Variants in CCDC158 observed in about 807,000 individuals in gnomAD.
CCDC158 encodes the protein coiled-coil domain-containing protein 158.
Under a neutral mutation model 138.6 loss-of-function variants are expected in CCDC158, and 116 were observed. The ratio of observed to expected loss-of-function variants is 0.84; its 90% CI spans 0.72 to 0.98. CCDC158 has a LOEUF of 0.98. CCDC158 is among the 50% of genes least tolerant of loss of function. CCDC158 has a pLI of 0.00. For missense variants in CCDC158, 1,265 were observed against 1,306.1 expected (o/e 0.97, Z 0.48); for synonymous variants, 436 against 442.4 (o/e 0.99, Z 0.18).
chr4:76,324,720 G>T (rs1246371969), intron 23 of CCDC158, among the ~76,000 whole-genome samples: 2 of 152,086 alleles, frequency 1.3e-5, no homozygotes, highest in African/African-American at 4.8e-5. Flanking sequence ...ATTAATCCCA[G>T]TTCCAGGAAG....
At chr4:76,314,665 C>T (rs192824901) in intron 24 of CCDC158, among the ~76,000 whole-genome samples, 8 of 152,272 alleles carry the variant, frequency 5.3e-5, no homozygotes, top group African/African-American at 1.9e-4. Context: ...AGAGCTGGAA[C>T]AAATTTAGCG....
chr4:76,378,039 C>T (rs1483453636), intron 9 of CCDC158, among the ~76,000 whole-genome samples: 1 of 152,146 alleles, frequency 6.6e-6, no homozygotes, highest in African/African-American at 2.4e-5. Context: ...CTGTAAAGGA[C>T]CCACATCTAT....
chr4:76,367,206 A>G, intron 12 of CCDC158, 88 bp downstream of exon 12: 2 of 1,422,314 alleles, frequency 1.4e-6, no homozygotes, highest in Non-Finnish European at 1.9e-6. Context: ...CAGAGTGTCC[A>G]CAGATACCAA....
chr4:76,391,174 A>AT (rs1320049765), intron 4 of CCDC158, among the ~76,000 whole-genome samples: 1 of 152,056 alleles, frequency 6.6e-6, no homozygotes, highest in Non-Finnish European at 1.5e-5. Flanking sequence ...AGGCTGAAGA[A>AT]TACACAGCCT....
In CCDC158 at chr4:76,340,027, G is replaced by A. The variant is rs541433343; in HGVS notation, c.2665-5860C>T. Among the ~76,000 whole-genome samples the A allele has an allele frequency of 1.3e-4, 20 of 152,262 alleles. No homozygotes were observed. The South Asian group carries it at 4.2e-3, about 32-fold the overall frequency. On this transcript the variant is annotated intron_variant, in intron 18 of 24. Transcript: ENST00000682701. ...ATTTCTTTTAGAAAAAATCACCACT[G>A]GCAGCACATTTCAGTGACACAGAGT...
chr4:76,409,729 G>A (rs1052876874), intron 2 of CCDC158, among the ~76,000 whole-genome samples: 8 of 152,152 alleles, frequency 5.3e-5, no homozygotes, highest in Non-Finnish European at 1.2e-4. Context: ...TATTCGGGAG[G>A]CTGAGGCAGG....
chr4:76,378,863 C>G (rs1725961270), intron 9 of CCDC158, among the ~76,000 whole-genome samples: 1 of 152,096 alleles, frequency 6.6e-6, no homozygotes. Flanking sequence ...GTAATTAATT[C>G]ATTTAATTAA....
At chr4:76,349,590 T>C (rs893113294) in intron 18 of CCDC158, among the ~76,000 whole-genome samples, 1 of 152,162 alleles carries the variant, frequency 6.6e-6, no homozygotes, top group Non-Finnish European at 1.5e-5. Flanking sequence ...GATTGCTTGA[T>C]TCTGGCTGGT....
In CCDC158 at chr4:76,367,377, G is replaced by A. The variant is rs755862671; in HGVS notation, c.1747C>T (p.Arg583Ter). Residue 583 changes from arginine (R) to a stop codon, truncating the protein, a stop_gained, in exon 12 of 25, where the codon CGA becomes TGA. Coordinates refer to ENST00000682701, the MANE Select transcript of CCDC158 (RefSeq NM_001394954.1). LOFTEE classifies it high-confidence loss of function. ...NMTQLVGQHG[R>*]TAGAMQVEKA... is the part of the protein sequence containing the mutation. Reference sequence around the variant, plus strand: ...TCTACTTGCATAGCTCCAGCAGTTCGTCCATGCTGGCCCACCAGCTGTGTC... The same window carrying A: ...TCTACTTGCATAGCTCCAGCAGTTCATCCATGCTGGCCCACCAGCTGTGTC... 27 of 1,614,092 alleles carry A rather than the reference G, an allele frequency of 1.7e-5. 1 individual carries two copies. The highest frequency in any genetic ancestry group is 1.3e-4 in the South Asian group (12 of 91,070).
At position 76,384,306 on chromosome 4, in the gene CCDC158, T is replaced by C. The variant is rs751219141; in HGVS notation, c.508A>G (p.Thr170Ala). The change falls in exon 6 of 25, where the codon ACA (threonine) becomes GCA (alanine). Residue 170 changes from threonine (T) to alanine (A), a missense_variant. By Grantham distance (58) the Thr-to-Ala change is moderately conservative. Coordinates refer to ENST00000682701, the MANE Select transcript of CCDC158 (RefSeq NM_001394954.1). ...ATTTTTCGTAGTTGCTCTATCTGTG[T>C]GTTGCTGTCTTTCAGCATGTCCTCT... ...LKEDMLKDSN[T>A]QIEQLRKMML... 6.2e-7 allele frequency: 1 copy of C among 1,614,194 alleles called. No homozygotes were observed. The highest frequency in any genetic ancestry group is 8.5e-7 in the Non-Finnish European group (1 of 1,180,016).
At chr4:76,333,820 G>A in intron 19 of CCDC158, 190 bp downstream of exon 19, 1 of 397,286 alleles carries the variant, frequency 2.5e-6, no homozygotes, top group Non-Finnish European at 4.5e-6. Flanking sequence ...TGACTGTATT[G>A]TTTTCTCTTA....
At chr4:76,390,311 A>G (rs1727199076) in intron 4 of CCDC158, among the ~76,000 whole-genome samples, 1 of 152,136 alleles carries the variant, frequency 6.6e-6, no homozygotes, top group Non-Finnish European at 1.5e-5. Flanking sequence ...TGGTTTTAAG[A>G]TAATGGTTTA....
intron 18 of CCDC158, among the ~76,000 whole-genome samples, chr4:76,343,800 C>CA (rs532330278): frequency 1.2e-4 from 19 of 152,052 alleles, no homozygotes; most frequent in Middle Eastern, 6.8e-3. Context: ...GACTCCATCT[C>CA]AAAAAACAAA....
At position 76,384,307 on chromosome 4, in the gene CCDC158, G is replaced by T. The variant is rs1726576655; in HGVS notation, c.507C>A (p.Asn169Lys). 2 of 1,614,082 alleles carry T rather than the reference G, an allele frequency of 1.2e-6. No individual in the cohort carries two copies. Among genetic ancestry groups the T allele is most frequent in the Non-Finnish European group, 1.7e-6 (2 of 1,179,998 alleles). The change falls in exon 6 of 25, where the codon AAC (asparagine) becomes AAA (lysine). Residue 169 changes from asparagine to lysine, a missense_variant. Coordinates refer to ENST00000682701, the MANE Select transcript of CCDC158 (RefSeq NM_001394954.1). The stretch of plus-strand genomic sequence containing the variant: ...TTTTTCGTAGTTGCTCTATCTGTGT[G>T]TTGCTGTCTTTCAGCATGTCCTCTT... ...CLKEDMLKDS[N>K]TQIEQLRKMM...
chr4:76,341,876 T>G (rs1308869753), intron 18 of CCDC158, among the ~76,000 whole-genome samples: 1 of 152,236 alleles, frequency 6.6e-6, no homozygotes, highest in Admixed American at 6.5e-5. Flanking sequence ...TAAAACTCTA[T>G]GATCCTCATT....
At chr4:76,418,391 C>T (rs978013969) in intron 1 of CCDC158, among the ~76,000 whole-genome samples, 1 of 152,100 alleles carries the variant, frequency 6.6e-6, no homozygotes, top group African/African-American at 2.4e-5. Context: ...CTGGACTGTC[C>T]ACTTAAAACA....
At chr4:76,371,939 C>CAAAA (rs539607968) in intron 9 of CCDC158, among the ~76,000 whole-genome samples, 27 of 65,456 alleles carry the variant, frequency 4.1e-4, no homozygotes, top group African/African-American at 1.2e-3. Flanking sequence ...ACTACATCTC[C>CAAAA]AAAAAAAAAA....
chr4:76,344,827 G>T, intron 18 of CCDC158: 1 of 1,599,812 alleles, frequency 6.3e-7, no homozygotes, highest in Non-Finnish European at 8.6e-7. Flanking sequence ...CAGAAACCGG[G>T]AGAGGGTGAA....
chr4:76,363,272 T>A (rs1724329498), intron 12 of CCDC158, among the ~76,000 whole-genome samples: 1 of 152,184 alleles, frequency 6.6e-6, no homozygotes. Context: ...TGTCACGGTG[T>A]CTTGCTGGGG....
Sources: allele counts gnomAD v4.1 joint callset (sites outside exome capture counted in the v4.1 genomes callset), GRCh38; gene constraint gnomAD v4.1.1; transcripts MANE v1.5; gene names NCBI Gene and HGNC (gene_info 2026-07-23, HGNC 2026-07-21).